Variants in FARS2 observed in about 807,000 individuals in gnomAD.
FARS2 encodes the protein phenylalanyl-tRNA synthetase 2, mitochondrial, also known as phenylalanine--tRNA ligase, mitochondrial.
Under a neutral mutation model 46.4 loss-of-function variants are expected in FARS2, and 40 were observed. That is an observed-to-expected ratio of 0.86 (90% CI 0.67 to 1.12). FARS2 has a LOEUF of 1.12. Ranked by LOEUF, FARS2 falls within the 50% of genes most tolerant of loss-of-function variation. The pLI is 0.00. For missense variants in FARS2, 513 were observed against 567.9 expected (o/e 0.90, Z 0.98); for synonymous variants, 234 against 214.9 (o/e 1.09, Z -0.78).
At chr6:5,277,594 A>G (rs1468665697) in intron 1 of FARS2, among the ~76,000 whole-genome samples, 1 of 152,240 alleles carries the variant, frequency 6.6e-6, no homozygotes, top group Non-Finnish European at 1.5e-5. Flanking sequence ...GATATATCGT[A>G]TCATCTCTGT....
chr6:5,260,492 G>A (rs1764985741), upstream of FARS2, among the ~76,000 whole-genome samples: 1 of 152,254 alleles, frequency 6.6e-6, no homozygotes, highest in Non-Finnish European at 1.5e-5. Context: ...CCTGTAGGCA[G>A]GAGCACGCTT....
In FARS2 at chr6:5,710,222, G is replaced by A. The variant is rs796330771; in HGVS notation, c.1218-61069G>A. ...TATGTGATAGAGACAGATGAGCGCC[G>A]CTGTACAACGCAGCATGGTCCAAGC... On this transcript the variant is annotated intron_variant, in intron 6 of 6. Transcript: ENST00000274680. 3.9e-5 allele frequency among the ~76,000 whole-genome samples: 6 copies of A among 152,266 alleles called. No individual in the cohort carries two copies. In the East Asian group the frequency reaches 5.8e-4, roughly 15 times the overall value.
intron 1 of FARS2, among the ~76,000 whole-genome samples, chr6:5,344,361 G>A (rs1314200150): frequency 1.3e-5 from 2 of 152,342 alleles, no homozygotes; most frequent in Non-Finnish European, 2.9e-5. Flanking sequence ...AGGCCCTGAC[G>A]TAGATATGTC....
rs1456067305 is a variant in FARS2 at position 5,725,266 on chromosome 6, GA to G, written c.1218-46023del. 5.9e-5 allele frequency among the ~76,000 whole-genome samples: 9 copies of G among 152,354 alleles called. 1 individual carries two copies. In the South Asian group the frequency reaches 1.2e-3, roughly 21 times the overall value. ...AACATGGGCGCTGGGGTGTATGGAG[GA>G]AGGTGAAAGGTGTCCGTGGGGAGAA... On this transcript the variant is annotated intron_variant, in intron 6 of 6. Transcript: ENST00000274680.
At chr6:5,322,901 C>T (rs570989327) in intron 1 of FARS2, among the ~76,000 whole-genome samples, 1 of 152,176 alleles carries the variant, frequency 6.6e-6, no homozygotes, top group Non-Finnish European at 1.5e-5. Context: ...ATCTGATTAC[C>T]CTCTTTGTTA....
chr6:5,291,642 G>A (rs1160800716), intron 1 of FARS2, among the ~76,000 whole-genome samples: 1 of 152,072 alleles, frequency 6.6e-6, no homozygotes, highest in Non-Finnish European at 1.5e-5. Context: ...GTTGGCATAT[G>A]CCTATAGTCT....
chr6:5,768,901 A>C (rs573306207), intron 6 of FARS2, among the ~76,000 whole-genome samples: 2 of 152,234 alleles, frequency 1.3e-5, no homozygotes, highest in Admixed American at 1.3e-4. Flanking sequence ...ATGACTTGCA[A>C]ATATCTTCTC....
intron 1 of FARS2, among the ~76,000 whole-genome samples, chr6:5,269,166 G>A: frequency 6.6e-6 from 1 of 152,122 alleles, no homozygotes; most frequent in Non-Finnish European, 1.5e-5. Context: ...CCATAAAAAC[G>A]GATGAGTTCA....
chr6:5,261,489 G>A (rs967706647), upstream of FARS2: 1 of 152,666 alleles, frequency 6.6e-6, no homozygotes, highest in Non-Finnish European at 1.5e-5. Context: ...TGCTCAGGGC[G>A]ACCTGCGTAG....
chr6:5,620,146 G>A (rs1775690380), intron 6 of FARS2, among the ~76,000 whole-genome samples: 1 of 151,754 alleles, frequency 6.6e-6, no homozygotes, highest in African/African-American at 2.4e-5. Context: ...ACGATGTTTA[G>A]CAGAATCCCC....
At chr6:5,526,369 A>C (rs936083452) in intron 4 of FARS2, among the ~76,000 whole-genome samples, 3 of 152,244 alleles carry the variant, frequency 2.0e-5, no homozygotes, top group African/African-American at 7.2e-5. Flanking sequence ...AACTCCCTCT[A>C]GTAAAAAGTA....
At chr6:5,684,737 G>A (rs1757057741) in intron 6 of FARS2, among the ~76,000 whole-genome samples, 1 of 152,162 alleles carries the variant, frequency 6.6e-6, no homozygotes, top group Admixed American at 6.5e-5. Flanking sequence ...GAGGTGGAAT[G>A]GATGTTGAAA....
At chr6:5,681,714 C>T (rs1420117549) in intron 6 of FARS2, among the ~76,000 whole-genome samples, 1 of 152,186 alleles carries the variant, frequency 6.6e-6, no homozygotes, top group Non-Finnish European at 1.5e-5. Context: ...CTCAAGAGAT[C>T]GAAGAAATAA....
At chr6:5,405,324 G>A (rs1761503603) in intron 3 of FARS2, among the ~76,000 whole-genome samples, 1 of 152,086 alleles carries the variant, frequency 6.6e-6, no homozygotes, top group Non-Finnish European at 1.5e-5. Flanking sequence ...TTGGCACTCA[G>A]AAACTTTTAG....
At chr6:5,546,595 G>T (rs761608038) in intron 5 of FARS2, among the ~76,000 whole-genome samples, 1 of 151,832 alleles carries the variant, frequency 6.6e-6, no homozygotes, top group Non-Finnish European at 1.5e-5. Context: ...TCATTTTTCA[G>T]AATGAAGCTG....
chr6:5,508,805 G>A (rs1057198510), intron 4 of FARS2, among the ~76,000 whole-genome samples: 3 of 152,196 alleles, frequency 2.0e-5, no homozygotes, highest in Admixed American at 6.5e-5. Flanking sequence ...AAGCTATCCC[G>A]CACGGAGAGG....
chr6:5,652,341 C>G (rs1312923043), intron 6 of FARS2, among the ~76,000 whole-genome samples: 1 of 152,146 alleles, frequency 6.6e-6, no homozygotes, highest in Non-Finnish European at 1.5e-5. Context: ...CAGGAAAAGT[C>G]CTGAGAATTA....
chr6:5,609,556 C>T (rs1237808420), intron 5 of FARS2: 5 of 1,285,914 alleles, frequency 3.9e-6, no homozygotes, highest in South Asian at 2.4e-5. Context: ...TTGTCATTCC[C>T]ACTGAAACCA....
At chr6:5,679,403 T>C (rs1460387965) in intron 6 of FARS2, among the ~76,000 whole-genome samples, 1 of 152,146 alleles carries the variant, frequency 6.6e-6, no homozygotes, top group African/African-American at 2.4e-5. Flanking sequence ...TAAGCCCTAC[T>C]GCACTGGCCT....
Sources: allele counts gnomAD v4.1 joint callset (sites outside exome capture counted in the v4.1 genomes callset), GRCh38; gene constraint gnomAD v4.1.1; transcripts MANE v1.5; gene names NCBI Gene and HGNC (gene_info 2026-07-23, HGNC 2026-07-21).